KIF1B: variants seen among roughly 807,000 people sequenced by gnomAD.
KIF1B encodes kinesin family member 1B.
In KIF1B, 76 loss-of-function variants were observed where a neutral mutation model predicts 241.9. That is an observed-to-expected ratio of 0.31 (90% confidence interval 0.26 to 0.38). The LOEUF (loss-of-function observed/expected upper bound fraction) is 0.38, where lower values mean the gene tolerates loss of function less well. KIF1B is among the 10% of genes least tolerant of loss of function. KIF1B has a pLI of 1.00. For missense variants in KIF1B, 1,622 were observed against 2,271.4 expected, an observed-to-expected ratio of 0.71 and a Z score of 5.81; for synonymous variants, 750 against 796.7, an observed-to-expected ratio of 0.94 and a Z score of 0.99.
chr1:10,215,279 C>T (rs776735985), intron 1 of KIF1B, among the ~76,000 whole-genome samples: 3 of 144,722 alleles, frequency 2.1e-5, no homozygotes, highest in South Asian at 2.2e-4. Flanking sequence ...CAGGTTCAAG[C>T]GGTTCTCCTG....
rs1650871037 is a variant in KIF1B, at chr1:10,307,173, A to T, written c.2115+9927A>T. The T allele has an allele frequency of 3.9e-6, 4 of 1,030,626 alleles. No homozygotes were observed. In the Admixed American group the frequency reaches 2.3e-4, roughly 59 times the overall value. 63.8% of individuals were successfully genotyped at this position (1,030,626 alleles called of 1,614,324 possible). A position where few individuals can be genotyped will look rare whatever the true frequency, so the allele number is the denominator to read the frequency against. ...TATTGACTGCCATGTATGTCCCATG[A>T]TGCATTTCTGAGCAAATGCTTATCC... On this transcript the variant is annotated intron_variant, in intron 22 of 48. Coordinates refer to ENST00000676179, the MANE Select transcript of KIF1B (RefSeq NM_001365951.3).
intron 5 of KIF1B, 84 bp from the exon 6 acceptor site, chr1:10,267,295 TG>T: frequency 1.7e-6 from 2 of 1,177,870 alleles, no homozygotes; most frequent in Non-Finnish European, 2.5e-6. Context: ...CCCAAAGTGC[TG>T]GGATTACAGG....
At chr1:10,284,424 G>T (rs1029455250) in intron 15 of KIF1B, among the ~76,000 whole-genome samples, 1 of 151,818 alleles carries the variant, frequency 6.6e-6, no homozygotes, top group Non-Finnish European at 1.5e-5. Context: ...AGTGGCTCAT[G>T]CCTGTAATCC....
rs572005397 is a variant in KIF1B, at chr1:10,380,844, G to A, written c.*4257G>A. On this transcript the variant is annotated 3_prime_UTR_variant, in exon 49 of 49. Transcript: ENST00000676179. ...CCCAGTGTGTGGCCAGACCATGACTGTGTAGCAGGAATGTTTTAATTTGTG... is the reference window on the plus strand; with the variant it reads ...CCCAGTGTGTGGCCAGACCATGACTATGTAGCAGGAATGTTTTAATTTGTG... 2 of 220,582 alleles carry A rather than the reference G, an allele frequency of 9.1e-6. No homozygotes were observed. The highest frequency in any genetic ancestry group is 3.7e-4 in the South Asian group (2 of 5,402). 13.7% of individuals were successfully genotyped at this position (220,582 alleles called of 1,614,324 possible).
At chr1:10,301,659 CA>C (rs34070754) in intron 22 of KIF1B, among the ~76,000 whole-genome samples, 15 of 143,044 alleles carry the variant, frequency 1.0e-4, no homozygotes, top group Admixed American at 1.4e-4. Flanking sequence ...GATTCTGTCT[CA>C]AAAAAAAAAG....
At chr1:10,341,955 A>G in intron 32 of KIF1B, 95 bp from the exon 33 acceptor site, 1 of 816,202 alleles carries the variant, frequency 1.2e-6, no homozygotes, top group Non-Finnish European at 2.0e-6. Flanking sequence ...TTGCCTCAAA[A>G]AAAAAAAAAA....
Position 10,282,200 on chromosome 1 carries a change from C to T in KIF1B, c.1223-122C>T, listed in dbSNP as rs1171620815. 3.4e-5 allele frequency: 25 copies of T among 739,840 alleles called. No homozygotes were observed. In the East Asian group the frequency reaches 6.4e-4, roughly 19 times the overall value. The allele number at this position is 739,840 out of a possible 1,614,324, so 45.8% of individuals were successfully genotyped here. ...AACCTGTGTTTGTATTATAGCGTGT[C>T]TTGGTCTTGGCGCTTTAATGCTGTC... On this transcript the variant is annotated intron_variant, in intron 14 of 48. Coordinates refer to ENST00000676179, the MANE Select transcript of KIF1B (RefSeq NM_001365951.3).
chr1:10,262,736 G>A (rs2102195695), intron 5 of KIF1B, among the ~76,000 whole-genome samples: 1 of 152,160 alleles, frequency 6.6e-6, no homozygotes, highest in African/African-American at 2.4e-5. Flanking sequence ...TTATGCATAT[G>A]CCTGTTTACA....
intron 15 of KIF1B, among the ~76,000 whole-genome samples, chr1:10,286,369 G>A (rs57737711): frequency 0.027 from 4,042 of 152,294 alleles, 204 homozygotes; most frequent in African/African-American, 0.091. Context: ...TAAACATGCA[G>A]CTGTAGCCAC....
chr1:10,314,271 A>G (rs1569804632), intron 22 of KIF1B, among the ~76,000 whole-genome samples: 1 of 151,554 alleles, frequency 6.6e-6, no homozygotes, highest in South Asian at 2.1e-4. Context: ...TTAATTAGCC[A>G]TTTGTTGTGG....
At chr1:10,333,324 T>C (rs1334714260) in intron 27 of KIF1B, among the ~76,000 whole-genome samples, 1 of 151,190 alleles carries the variant, frequency 6.6e-6, no homozygotes, top group African/African-American at 2.4e-5. Context: ...GAGCTGAGAT[T>C]GCGCCATTGC....
intron 2 of KIF1B, among the ~76,000 whole-genome samples, chr1:10,244,306 T>C (rs570603747): frequency 6.8e-6 from 1 of 147,800 alleles, no homozygotes; most frequent in African/African-American, 2.5e-5. Flanking sequence ...TTTTTCTTTT[T>C]TTTCTTTTCT....
At chr1:10,315,171 C>CT (rs765236286) in intron 22 of KIF1B, among the ~76,000 whole-genome samples, 4,988 of 80,038 alleles carry the variant, frequency 0.062, 476 homozygotes, top group African/African-American at 0.11. Context: ...CAAGAATATT[C>CT]TTTTTTTTTT....
intron 24 of KIF1B, 87 bp downstream of exon 24, chr1:10,321,944 C>T: frequency 6.8e-7 from 1 of 1,460,712 alleles, no homozygotes; most frequent in Non-Finnish European, 9.5e-7. Context: ...ATTAACCTTT[C>T]CTTTGGGGGA....
Position 10,361,787 on chromosome 1 carries a change from T to C in KIF1B, c.4266T>C (p.Arg1422=). The change falls in exon 40 of 49, where the codon CGT becomes CGC. Residue 1422 remains arginine (R), a synonymous_variant. Coordinates refer to ENST00000676179, the MANE Select transcript of KIF1B (RefSeq NM_001365951.3). The part of the protein sequence containing the change: ...DAKISPPRSL[R]SLFGSGYSKS... Reference sequence around the variant, plus strand: ...AGATCTCACCACCACGCTCTCTGCGTAGCCTCTTTGGCAGCGGCTACTCAA... The same window carrying C: ...AGATCTCACCACCACGCTCTCTGCGCAGCCTCTTTGGCAGCGGCTACTCAA... 4.3e-6 allele frequency: 7 copies of C among 1,614,206 alleles called. No homozygotes were observed. The highest frequency in any genetic ancestry group is 5.9e-6 in the Non-Finnish European group (7 of 1,180,042).
chr1:10,284,720 G>A (rs1438056333), intron 15 of KIF1B, among the ~76,000 whole-genome samples: 1 of 151,550 alleles, frequency 6.6e-6, no homozygotes, highest in Admixed American at 6.6e-5. Flanking sequence ...AAATTAGCCG[G>A]CCATGGTGAC....
chr1:10,282,215 T>G (rs986517738), intron 14 of KIF1B, 107 bp from the exon 15 acceptor site: 4 of 891,466 alleles, frequency 4.5e-6, no homozygotes, highest in Non-Finnish European at 7.0e-6. Flanking sequence ...TCTTGGCGCT[T>G]TAATGCTGTC....
chr1:10,345,124 G>A (rs1314095472), intron 34 of KIF1B, among the ~76,000 whole-genome samples: 1 of 152,042 alleles, frequency 6.6e-6, no homozygotes, highest in Non-Finnish European at 1.5e-5. Context: ...AGCCCAGAGG[G>A]CAGAGGTTGC....
In KIF1B at chr1:10,378,114, A is replaced by T; in HGVS notation, c.*1527A>T. The T allele has an allele frequency of 1.7e-6, 1 of 579,538 alleles. No homozygotes were observed. Among genetic ancestry groups the T allele is most frequent in the Non-Finnish European group, 3.1e-6 (1 of 325,308 alleles). 35.9% of individuals were successfully genotyped at this position (579,538 alleles called of 1,614,324 possible). A position where few individuals can be genotyped will look rare whatever the true frequency, so the allele number is the denominator to read the frequency against. ...TCAGTGATGCTCTCTATACTCATAA[A>T]TAAGCAAATGTGGCAGGCTTTGCTT... On this transcript the variant is annotated 3_prime_UTR_variant, in exon 49 of 49. Transcript: ENST00000676179.
Sources: gnomAD v4.1 joint callset for allele counts (sites outside exome capture counted in the v4.1 genomes callset) on GRCh38, gnomAD v4.1.1 for gene constraint, MANE v1.5 for transcripts, NCBI Gene and HGNC (gene_info 2026-07-23, HGNC 2026-07-21) for gene names.